ADGRV1: variants seen among roughly 807,000 people sequenced by gnomAD.
ADGRV1 encodes adhesion G protein-coupled receptor V1, also known as G-protein coupled receptor 98.
A neutral mutation model predicts 596.2 loss-of-function variants in ADGRV1; 359 were observed. That is an observed-to-expected ratio of 0.60 (90% CI 0.55 to 0.66). The LOEUF is 0.66. Among genes scored for constraint, ADGRV1 ranks in the 30% least tolerant of loss-of-function variants. The pLI is 0.00. For missense variants in ADGRV1, 7,274 were observed against 7,575.6 expected (o/e 0.96, Z 1.48); for synonymous variants, 2,681 against 2,679.2 (o/e 1.00, Z -0.02).
Position 90,757,027 on chromosome 5 carries a change from GTTC to G in ADGRV1, c.11810_11812del (p.Leu3937del), listed in dbSNP as rs899259143. ...CTATGAGGTGCCTCCACCCTTGAAC[GTTC>G]TTCAAGTTCCTGTAGTCCGGCTGGC... On this transcript the variant is annotated inframe_deletion, in exon 57 of 90. Coordinates refer to ENST00000405460, the MANE Select transcript of ADGRV1 (RefSeq NM_032119.4). The G allele has an allele frequency of 2.5e-6, 4 of 1,613,562 alleles. No homozygotes were observed. The Admixed American group carries it at 5.0e-5, about 20-fold the overall frequency.
chr5:90,768,778 G>A (rs765049144), intron 59 of ADGRV1, among the ~76,000 whole-genome samples: 6 of 152,164 alleles, frequency 3.9e-5, no homozygotes, highest in Non-Finnish European at 5.9e-5. Flanking sequence ...GATGAGTCAG[G>A]GGGATATTGC....
At chr5:90,769,255 T>G (rs1757445343) in intron 59 of ADGRV1, among the ~76,000 whole-genome samples, 1 of 152,164 alleles carries the variant, frequency 6.6e-6, no homozygotes, top group African/African-American at 2.4e-5. Flanking sequence ...CCTTGGTCTT[T>G]TATGATATAC....
chr5:91,019,514 C>T (rs1387071154), intron 85 of ADGRV1, among the ~76,000 whole-genome samples: 1 of 151,904 alleles, frequency 6.6e-6, no homozygotes, highest in East Asian at 1.9e-4. Flanking sequence ...CTCTTCTTGC[C>T]CTTGGCTAAC....
chr5:90,805,564 C>T (rs553885185), intron 72 of ADGRV1, 106 bp downstream of exon 72: 89 of 913,954 alleles, frequency 9.7e-5, no homozygotes, highest in East Asian at 7.6e-4. Flanking sequence ...ATGTAGTTTT[C>T]GAATACAATG....
At chr5:90,714,869 C>G (rs1749881930) in intron 42 of ADGRV1, among the ~76,000 whole-genome samples, 1 of 152,006 alleles carries the variant, frequency 6.6e-6, no homozygotes, top group South Asian at 2.1e-4. Context: ...GTACATTTTG[C>G]TAGTTTTTCA....
intron 85 of ADGRV1, among the ~76,000 whole-genome samples, chr5:91,061,345 A>G (rs1787415187): frequency 6.6e-6 from 1 of 152,204 alleles, no homozygotes; most frequent in South Asian, 2.1e-4. Flanking sequence ...CAGTTTTATC[A>G]AGTTGCTTAG....
chr5:90,871,104 A>G (rs928006461), intron 83 of ADGRV1, among the ~76,000 whole-genome samples: 1 of 152,152 alleles, frequency 6.6e-6, no homozygotes, highest in African/African-American at 2.4e-5. Flanking sequence ...GCAATCAATC[A>G]TGAAACAAAT....
Position 90,712,340 on chromosome 5 carries a change from T to G in ADGRV1, c.9096T>G (p.Leu3032=). The part of the protein sequence containing the change: ...ERYKNVNIMI[L]DDDIPEGDEK... ...ATAAAAATGTCAATATCATGATTCT[T>G]GATGATGACATTCCAGAAGGAGATG... The change falls in exon 42 of 90, where the codon CTT becomes CTG. Residue 3032 remains leucine (L), a synonymous_variant. Coordinates refer to ENST00000405460, the MANE Select transcript of ADGRV1 (RefSeq NM_032119.4). 1 of 1,563,666 alleles carries G rather than the reference T, an allele frequency of 6.4e-7. No individual in the cohort carries two copies. The highest frequency in any genetic ancestry group is 8.7e-7 in the Non-Finnish European group (1 of 1,149,192).
intron 85 of ADGRV1, among the ~76,000 whole-genome samples, chr5:91,064,224 T>C (rs576265834): frequency 1.3e-4 from 20 of 152,330 alleles, no homozygotes; most frequent in Non-Finnish European, 1.9e-4. Context: ...ACAGTCCCTG[T>C]CCTCAAAAGA....
intron 86 of ADGRV1, among the ~76,000 whole-genome samples, chr5:91,088,561 G>C (rs898788935): frequency 4.6e-5 from 7 of 152,078 alleles, no homozygotes; most frequent in Admixed American, 4.6e-4. Context: ...CTGTATGGCT[G>C]CTCATTCATT....
At chr5:91,005,685 A>G (rs1782209630) in intron 85 of ADGRV1, among the ~76,000 whole-genome samples, 1 of 152,034 alleles carries the variant, frequency 6.6e-6, no homozygotes, top group Admixed American at 6.6e-5. Context: ...TCTCTCACCA[A>G]TTTCTGTATC....
At position 90,965,373 on chromosome 5, in the gene ADGRV1, A is replaced by T. The variant is rs1261684697; in HGVS notation, c.17857-42A>T. ...TTTACTTTCTTAATATTCTTCATCG[A>T]TTTTAGCATATTTTAAAAATAGAAG... On this transcript the variant is annotated intron_variant, in intron 83 of 89. Transcript: ENST00000405460. 3 of 1,203,936 alleles carry T rather than the reference A, an allele frequency of 2.5e-6. No individual in the cohort carries two copies. In the Admixed American group the frequency reaches 5.1e-5, roughly 20 times the overall value. 74.6% of individuals were successfully genotyped at this position (1,203,936 alleles called of 1,614,324 possible). A position where few individuals can be genotyped will look rare whatever the true frequency, so the allele number is the denominator to read the frequency against.
chr5:90,975,929 T>C lies in ADGRV1; in HGVS notation c.17974-9415T>C, dbSNP rs182934112. ...ACAGTAAGAATTTAAAATCTTGCAG[T>C]ATCTTTACTCTGTTTTGCTAGTTCT... On this transcript the variant is annotated intron_variant, in intron 84 of 89. Transcript: ENST00000405460. Among the ~76,000 whole-genome samples, 545 of 152,286 alleles carry C rather than the reference T, an allele frequency of 3.6e-3. 2 individuals carry two copies. Among genetic ancestry groups the C allele is most frequent in the African/African-American group, 0.013 (522 of 41,560 alleles).
intron 83 of ADGRV1, among the ~76,000 whole-genome samples, chr5:90,929,039 G>T (rs1448239539): frequency 2.9e-4 from 43 of 150,698 alleles, no homozygotes; most frequent in Non-Finnish European, 5.3e-4. Context: ...CTTCAAAGCT[G>T]TCAGACAGGG....
intron 85 of ADGRV1, among the ~76,000 whole-genome samples, chr5:91,039,734 C>CCAAT (rs1785185357): frequency 6.6e-6 from 1 of 151,974 alleles, no homozygotes; most frequent in Non-Finnish European, 1.5e-5. Flanking sequence ...AAACAAGGTA[C>CCAAT]ATTGATATAA....
At chr5:90,578,676 C>T (rs547598431) in intron 1 of ADGRV1, among the ~76,000 whole-genome samples, 14 of 152,316 alleles carry the variant, frequency 9.2e-5, no homozygotes, top group African/African-American at 3.4e-4. Flanking sequence ...GGAATAGTTC[C>T]AGAAGGAATG....
intron 6 of ADGRV1, chr5:90,625,563 A>G (rs1764629923): frequency 5.5e-6 from 1 of 180,340 alleles, no homozygotes; most frequent in Non-Finnish European, 1.2e-5. Context: ...CCATAAAAGC[A>G]AAGAAAAATT....
chr5:90,752,446 T>TCTTCCAC (rs1044059239), intron 53 of ADGRV1, among the ~76,000 whole-genome samples: 18 of 152,120 alleles, frequency 1.2e-4, no homozygotes, highest in African/African-American at 4.3e-4. Context: ...TCCTCTCCCT[T>TCTTCCAC]CTTCCACCTT....
chr5:90,685,409 C>A (rs559415961), intron 28 of ADGRV1, among the ~76,000 whole-genome samples: 1 of 152,030 alleles, frequency 6.6e-6, no homozygotes, highest in Non-Finnish European at 1.5e-5. Context: ...ATGGTGAAAC[C>A]CCATCTCTAC....
Sources: gnomAD v4.1 joint callset for allele counts (sites outside exome capture counted in the v4.1 genomes callset) on GRCh38, gnomAD v4.1.1 for gene constraint, MANE v1.5 for transcripts, NCBI Gene and HGNC (gene_info 2026-07-23, HGNC 2026-07-21) for gene names.